ZBTB7C: variants seen among roughly 807,000 people sequenced by gnomAD.
ZBTB7C encodes zinc finger and BTB domain containing 7C.
A neutral mutation model predicts 25.7 loss-of-function variants in ZBTB7C; 8 were observed. The ratio of observed to expected loss-of-function variants is 0.31; its 90% CI spans 0.18 to 0.56. The LOEUF is 0.56. Among genes scored for constraint, ZBTB7C ranks in the 20% least tolerant of loss-of-function variants. The probability of loss-of-function intolerance (pLI) is 0.91; values close to 1 mark genes in which losing one functional copy is unlikely to be tolerated. For synonymous variants in ZBTB7C, 394 were observed against 369.0 expected, an observed-to-expected ratio of 1.07 and a Z score of -0.78; for missense variants, 824 against 855.2, an observed-to-expected ratio of 0.96 and a Z score of 0.46.
intron 1 of ZBTB7C, among the ~76,000 whole-genome samples, chr18:48,339,632 C>A (rs540124003): frequency 6.6e-6 from 1 of 152,252 alleles, no homozygotes; most frequent in Non-Finnish European, 1.5e-5. Flanking sequence ...ATTTCATCTT[C>A]CTTCCAAGTC....
intron 2 of ZBTB7C, among the ~76,000 whole-genome samples, chr18:48,219,342 C>T (rs1231287031): frequency 4.6e-5 from 7 of 152,204 alleles, no homozygotes; most frequent in African/African-American, 7.2e-5. Flanking sequence ...GGTAAAATAA[C>T]AATAATGATG....
intron 2 of ZBTB7C, among the ~76,000 whole-genome samples, chr18:48,329,223 T>C (rs2046291263): frequency 6.6e-6 from 1 of 152,220 alleles, no homozygotes; most frequent in Non-Finnish European, 1.5e-5. Context: ...AAACCTCTTA[T>C]TCCACTGAGC....
At chr18:48,260,703 G>A (rs1394235356) in intron 2 of ZBTB7C, among the ~76,000 whole-genome samples, 1 of 152,186 alleles carries the variant, frequency 6.6e-6, no homozygotes, top group East Asian at 1.9e-4. Flanking sequence ...GAGAACTGTA[G>A]TAAAGTTTTC....
In ZBTB7C at chr18:48,402,130, A is replaced by C. The variant is rs568630608; in HGVS notation, c.-304+7096T>G. ...GGACACTCCTCTAAGCCCTGGGAAC[A>C]GAGCAATGCAGGAAACAAAGTCCTG... On this transcript the variant is annotated intron_variant, in intron 1 of 4. Coordinates refer to ENST00000590800, the MANE Select transcript of ZBTB7C (RefSeq NM_001318841.2). Among the ~76,000 whole-genome samples, 106 of 152,276 alleles carry C rather than the reference A, an allele frequency of 7.0e-4. 1 individual carries two copies. The highest frequency in any genetic ancestry group is 2.4e-3 in the African/African-American group (99 of 41,552).
At chr18:48,410,176 C>T (rs2048367318), upstream of ZBTB7C, among the ~76,000 whole-genome samples, 1 of 152,236 alleles carries the variant, frequency 6.6e-6, no homozygotes. Context: ...GCTCTCGGCA[C>T]TCCAGCGAGC....
At chr18:48,291,708 C>T (rs1319478170) in intron 2 of ZBTB7C, among the ~76,000 whole-genome samples, 47 of 152,200 alleles carry the variant, frequency 3.1e-4, no homozygotes, top group Admixed American at 3.1e-3. Context: ...ATGGTCACTG[C>T]AGTCATTTTC....
chr18:48,321,997 T>C (rs754410969), intron 2 of ZBTB7C, among the ~76,000 whole-genome samples: 16 of 152,172 alleles, frequency 1.1e-4, no homozygotes, highest in South Asian at 4.1e-4. Context: ...CCCTATTATA[T>C]TTTATCTTTG....
intron 3 of ZBTB7C, among the ~76,000 whole-genome samples, chr18:48,142,534 G>A (rs1398509005): frequency 6.6e-6 from 1 of 152,180 alleles, no homozygotes; most frequent in Non-Finnish European, 1.5e-5. Flanking sequence ...CACAGCCTGA[G>A]GGCCCCAGGG....
At chr18:48,100,311 A>T (rs2038785795) in intron 3 of ZBTB7C, among the ~76,000 whole-genome samples, 1 of 152,172 alleles carries the variant, frequency 6.6e-6, no homozygotes, top group Non-Finnish European at 1.5e-5. Flanking sequence ...TGACAGGCAA[A>T]AGTTAAGCCC....
At chr18:48,330,519 G>C (rs2046320040) in intron 2 of ZBTB7C, among the ~76,000 whole-genome samples, 1 of 152,044 alleles carries the variant, frequency 6.6e-6, no homozygotes, top group African/African-American at 2.4e-5. Flanking sequence ...CTTTTCCAAT[G>C]TTTCCATTAG....
chr18:48,249,547 T>C (rs1030707716), intron 2 of ZBTB7C, among the ~76,000 whole-genome samples: 3 of 152,212 alleles, frequency 2.0e-5, no homozygotes, highest in Admixed American at 6.5e-5. Context: ...ATGTATTACA[T>C]TTAGAAGAGA....
intron 2 of ZBTB7C, among the ~76,000 whole-genome samples, chr18:48,306,881 A>G (rs1042886982): frequency 6.6e-6 from 1 of 152,232 alleles, no homozygotes; most frequent in Admixed American, 6.5e-5. Context: ...TACTTAAAAC[A>G]GATATGCCCT....
intron 3 of ZBTB7C, among the ~76,000 whole-genome samples, chr18:48,082,778 G>A (rs1429838591): frequency 6.6e-6 from 1 of 152,122 alleles, no homozygotes; most frequent in African/African-American, 2.4e-5. Context: ...AAAACTGAGA[G>A]TCAGAGGCCT....
chr18:48,109,100 T>C (rs577647400), intron 3 of ZBTB7C, among the ~76,000 whole-genome samples: 1 of 151,930 alleles, frequency 6.6e-6, no homozygotes, highest in Non-Finnish European at 1.5e-5. Flanking sequence ...CAGCTCCCAG[T>C]TGTGGGGTGA....
chr18:48,195,659 T>C (rs1033003754), intron 2 of ZBTB7C, among the ~76,000 whole-genome samples: 3 of 152,214 alleles, frequency 2.0e-5, no homozygotes, highest in Non-Finnish European at 2.9e-5. Flanking sequence ...AGTTTTTTTT[T>C]CCACTTGAAT....
chr18:48,135,587 C>A (rs1332623243), intron 3 of ZBTB7C, among the ~76,000 whole-genome samples: 1 of 152,028 alleles, frequency 6.6e-6, no homozygotes, highest in South Asian at 2.1e-4. Flanking sequence ...GGGGGGAGGA[C>A]CGGCACTGGG....
intron 3 of ZBTB7C, chr18:48,041,575 C>CTGA: frequency 1.0e-6 from 1 of 978,306 alleles, no homozygotes; most frequent in Non-Finnish European, 1.2e-6. Context: ...CACAAATCCT[C>CTGA]TGATTCTGTA....
intron 3 of ZBTB7C, among the ~76,000 whole-genome samples, chr18:48,078,500 G>A (rs909162121): frequency 2.6e-5 from 4 of 152,216 alleles, no homozygotes; most frequent in African/African-American, 9.6e-5. Flanking sequence ...TCAGCCTTGA[G>A]GGCATCGGTG....
chr18:48,249,733 A>C (rs892446710), intron 2 of ZBTB7C, among the ~76,000 whole-genome samples: 2 of 152,172 alleles, frequency 1.3e-5, no homozygotes, highest in African/African-American at 4.8e-5. Flanking sequence ...TGCACCAACT[A>C]TCAATTTGTA....
Sources: gnomAD v4.1 joint callset for allele counts (sites outside exome capture counted in the v4.1 genomes callset) on GRCh38, gnomAD v4.1.1 for gene constraint, MANE v1.5 for transcripts, NCBI Gene and HGNC (gene_info 2026-07-23, HGNC 2026-07-21) for gene names.